ART3: variants seen among roughly 807,000 people sequenced by gnomAD.
The protein encoded by ART3 is ecto-ADP-ribosyltransferase 3.
Under a neutral mutation model 48.5 loss-of-function variants are expected in ART3, and 49 were observed. The observed-to-expected ratio is 1.01, with a 90% CI of 0.80 to 1.28. ART3 has a LOEUF of 1.28. ART3 is among the 50% of genes most tolerant of loss of function. The probability of loss-of-function intolerance (pLI) is 0.00; values close to 1 mark genes in which losing one functional copy is unlikely to be tolerated. For synonymous variants in ART3, 145 were observed against 157.2 expected (o/e 0.92, Z 0.58); for missense variants, 438 against 454.3 (o/e 0.96, Z 0.33).
chr4:76,019,442 C>A (rs947650109), intron 1 of ART3, among the ~76,000 whole-genome samples: 2 of 147,476 alleles, frequency 1.4e-5, no homozygotes, highest in African/African-American at 5.0e-5. Flanking sequence ...GTACTGTACA[C>A]TGAAGCTTGT....
upstream of ART3, among the ~76,000 whole-genome samples, chr4:76,071,253 G>A (rs970601102): frequency 2.0e-5 from 3 of 151,852 alleles, no homozygotes; most frequent in Non-Finnish European, 4.4e-5. Context: ...CAGGAGAATC[G>A]CTTGAACTGG....
At chr4:76,080,293 C>G (rs1176515932) in intron 2 of ART3, among the ~76,000 whole-genome samples, 2 of 152,080 alleles carry the variant, frequency 1.3e-5, no homozygotes, top group Non-Finnish European at 2.9e-5. Context: ...AAGGATCTAA[C>G]AGTATAATAC....
chr4:76,040,443 C>A (rs948096875), intron 1 of ART3, among the ~76,000 whole-genome samples: 1 of 104,678 alleles, frequency 9.6e-6, no homozygotes, highest in Admixed American at 9.7e-5. Flanking sequence ...TGGATACACA[C>A]ACACACACAC....
At chr4:76,106,975 C>T (rs1286730618) in intron 10 of ART3, among the ~76,000 whole-genome samples, 1 of 152,194 alleles carries the variant, frequency 6.6e-6, no homozygotes, top group African/African-American at 2.4e-5. Context: ...AACCATACTT[C>T]AAGTACCCAT....
chr4:76,024,574 A>G (rs1733196577), intron 1 of ART3, among the ~76,000 whole-genome samples: 1 of 152,322 alleles, frequency 6.6e-6, no homozygotes, highest in East Asian at 1.9e-4. Flanking sequence ...CATATAATGG[A>G]ACACATGTTG....
chr4:76,112,717 C>CTCTT lies in ART3; in HGVS notation c.*199_*202dup. 2.1e-6 allele frequency: 1 copy of CTCTT among 473,730 alleles called. No homozygotes were observed. The highest frequency in any genetic ancestry group is 3.5e-6 in the Non-Finnish European group (1 of 283,096). The allele number at this position is 473,730 out of a possible 1,614,324, so 29.3% of individuals were successfully genotyped here. On this transcript the variant is annotated 3_prime_UTR_variant, in exon 12 of 12. Coordinates refer to ENST00000355810, the MANE Select transcript of ART3 (RefSeq NM_001130016.3). ...CACAGAACTTTTCACTTGTATACTA[C>CTCTT]TCTTACAATGGAAAAAAATCCCGAA... is the stretch of plus-strand genomic sequence containing the variant.
upstream of ART3, among the ~76,000 whole-genome samples, chr4:76,073,004 T>C (rs1463723682): frequency 2.6e-5 from 4 of 152,200 alleles, no homozygotes; most frequent in African/African-American, 7.2e-5. Flanking sequence ...GTGCTACTTA[T>C]AAACAAAAGC....
intron 1 of ART3, among the ~76,000 whole-genome samples, chr4:76,052,100 G>A (rs891173325): frequency 2.6e-5 from 4 of 151,868 alleles, no homozygotes; most frequent in Middle Eastern, 3.4e-3. Flanking sequence ...TATTAGAGAC[G>A]GGGTTTCGCC....
chr4:76,012,405 G>A (rs1038232844), intron 1 of ART3, among the ~76,000 whole-genome samples: 1 of 152,156 alleles, frequency 6.6e-6, no homozygotes, highest in Admixed American at 6.5e-5. Context: ...AGTCTTAGAA[G>A]CCCCAAGAGA....
chr4:76,035,425 A>G, intron 1 of ART3: 1 of 1,411,280 alleles, frequency 7.1e-7, no homozygotes, highest in Non-Finnish European at 9.7e-7. Context: ...GAACGTGAGC[A>G]GAATTTTCAT....
chr4:76,014,078 A>G (rs1007944187), intron 1 of ART3, among the ~76,000 whole-genome samples: 4 of 152,164 alleles, frequency 2.6e-5, no homozygotes, highest in Non-Finnish European at 5.9e-5. Flanking sequence ...AAAAGAAAAC[A>G]CAACTTAGGG....
At chr4:76,038,267 A>G (rs140646101) in intron 1 of ART3, among the ~76,000 whole-genome samples, 61 of 152,344 alleles carry the variant, frequency 4.0e-4, no homozygotes, top group African/African-American at 1.4e-3. Flanking sequence ...TAATTATTCT[A>G]TATATTAATG....
chr4:76,090,530 G>A (rs1000209865), intron 3 of ART3, among the ~76,000 whole-genome samples: 1 of 152,216 alleles, frequency 6.6e-6, no homozygotes, highest in African/African-American at 2.4e-5. Context: ...TAGGGAACTT[G>A]TGGGAGGGCT....
At chr4:76,022,000 A>C in intron 1 of ART3, 1 of 1,517,132 alleles carries the variant, frequency 6.6e-7, no homozygotes, top group Non-Finnish European at 9.2e-7. Context: ...CTCTGGCTTC[A>C]GATTGGGTTG....
chr4:76,047,023 G>C (rs1399623312), intron 1 of ART3, among the ~76,000 whole-genome samples: 1 of 151,936 alleles, frequency 6.6e-6, no homozygotes. Flanking sequence ...GGCACCCTCA[G>C]TCCTGTTGTC....
rs534263685 is a variant in ART3, at chr4:76,030,247, G to A, written c.-10+18927G>A. 2.8e-3 allele frequency among the ~76,000 whole-genome samples: 432 copies of A among 152,152 alleles called. 3 individuals are homozygous for A. The highest frequency in any genetic ancestry group is 9.8e-3 in the African/African-American group (407 of 41,500). The stretch of plus-strand genomic sequence containing the variant: ...AATTTTTTGTATCTTTGGTAGAGAC[G>A]GGGTTTCACCATGTTGGCCAGGCTG... On this transcript the variant is annotated intron_variant, in intron 1 of 9. Coordinates refer to the ART3 transcript ENST00000341029.
At chr4:76,088,048 A>C (rs938596748) in intron 3 of ART3, among the ~76,000 whole-genome samples, 1 of 152,092 alleles carries the variant, frequency 6.6e-6, no homozygotes, top group Non-Finnish European at 1.5e-5. Flanking sequence ...GGGCAACATA[A>C]TGAGACACCC....
At chr4:76,076,142 C>G (rs1277560729) in intron 2 of ART3, among the ~76,000 whole-genome samples, 184 bp downstream of exon 2, 1 of 151,916 alleles carries the variant, frequency 6.6e-6, no homozygotes, top group Non-Finnish European at 1.5e-5. Context: ...GTAGCTAGGA[C>G]TACAGGCGCC....
At chr4:76,039,547 A>G (rs1242333283) in intron 1 of ART3, among the ~76,000 whole-genome samples, 1 of 152,206 alleles carries the variant, frequency 6.6e-6, no homozygotes, top group Non-Finnish European at 1.5e-5. Flanking sequence ...TAGCATATAA[A>G]AATATTTTAA....
Sources: gnomAD v4.1 joint callset for allele counts (sites outside exome capture counted in the v4.1 genomes callset) on GRCh38, gnomAD v4.1.1 for gene constraint, MANE v1.5 for transcripts, NCBI Gene and HGNC (gene_info 2026-07-23, HGNC 2026-07-21) for gene names.